The following EPB41L3 variants were observed in gnomAD, a reference collection of about 807,000 sequenced individuals.
EPB41L3 encodes the protein erythrocyte membrane protein band 4.1 like 3.
A neutral mutation model predicts 127.1 loss-of-function variants in EPB41L3; 57 were observed. That is an observed-to-expected ratio of 0.45 (90% confidence interval 0.36 to 0.56). The LOEUF (loss-of-function observed/expected upper bound fraction) is 0.56. EPB41L3 is among the 20% of genes least tolerant of loss of function. The pLI, the probability that EPB41L3 is intolerant of heterozygous loss-of-function variation, is 0.00. For synonymous variants in EPB41L3, 572 were observed against 549.5 expected (o/e 1.04, Z -0.57); for missense variants, 1,273 against 1,372.2 (o/e 0.93, Z 1.14).
intron 1 of EPB41L3, chr18:5,489,414 A>T (rs546657231): frequency 1.9e-6 from 1 of 518,314 alleles, no homozygotes; most frequent in Non-Finnish European, 3.3e-6. Context: ...TAGGAGGAAA[A>T]GTTGATCTGT....
At chr18:5,484,086 C>CAAAAAAAAAAAAAAACAAAAAA (rs2089168452) in intron 2 of EPB41L3, among the ~76,000 whole-genome samples, 1 of 18,278 alleles carries the variant, frequency 5.5e-5, no homozygotes, top group African/African-American at 1.2e-4. Flanking sequence ...CAAACAAACT[C>CAAAAAAAAAAAAAAACAAAAAA]AAAAAAAAAA....
chr18:5,427,621 G>C (rs767113833), intron 9 of EPB41L3, among the ~76,000 whole-genome samples: 1 of 152,146 alleles, frequency 6.6e-6, no homozygotes, highest in Non-Finnish European at 1.5e-5. Flanking sequence ...CCTCTAAACT[G>C]TTCACTTTAA....
At chr18:5,473,919 T>A (rs2086638915) in intron 3 of EPB41L3, among the ~76,000 whole-genome samples, 1 of 151,710 alleles carries the variant, frequency 6.6e-6, no homozygotes, top group East Asian at 1.9e-4. Flanking sequence ...CAAGACTGAG[T>A]TTGAAAAAAA....
At chr18:5,423,829 C>T (rs1194494668) in intron 10 of EPB41L3, among the ~76,000 whole-genome samples, 3 of 152,116 alleles carry the variant, frequency 2.0e-5, no homozygotes, top group African/African-American at 7.2e-5. Flanking sequence ...TAAGCCCAAA[C>T]AGCTACTAAA....
chr18:5,465,621 G>A (rs1013019281), intron 3 of EPB41L3, among the ~76,000 whole-genome samples: 10 of 152,092 alleles, frequency 6.6e-5, no homozygotes, highest in Non-Finnish European at 1.2e-4. Context: ...GCCAGCCACT[G>A]CAGACCCAAA....
intron 1 of EPB41L3, among the ~76,000 whole-genome samples, chr18:5,512,275 G>A (rs993649674): frequency 6.6e-6 from 1 of 152,208 alleles, no homozygotes; most frequent in East Asian, 1.9e-4. Flanking sequence ...GGATGCTACA[G>A]GACATAGAGA....
intron 10 of EPB41L3, among the ~76,000 whole-genome samples, chr18:5,424,057 G>A (rs944324574): frequency 1.3e-5 from 2 of 152,102 alleles, no homozygotes; most frequent in African/African-American, 2.4e-5. Context: ...GGGGGTTTGG[G>A]ACATGTAAGT....
chr18:5,576,918 T>A (rs554566856), intron 3 of EPB41L3, among the ~76,000 whole-genome samples: 1 of 152,282 alleles, frequency 6.6e-6, no homozygotes, highest in East Asian at 1.9e-4. Flanking sequence ...ATCCCCTAAA[T>A]TGAAGTTGCC....
At chr18:5,517,695 C>A (rs1023566855) in intron 1 of EPB41L3, among the ~76,000 whole-genome samples, 3 of 152,158 alleles carry the variant, frequency 2.0e-5, no homozygotes, top group African/African-American at 7.2e-5. Context: ...CCCTCGACCT[C>A]CCAAAGTGTT....
At chr18:5,404,904 A>T (rs1398010219) in intron 16 of EPB41L3, among the ~76,000 whole-genome samples, 2 of 152,250 alleles carry the variant, frequency 1.3e-5, no homozygotes, top group Non-Finnish European at 2.9e-5. Flanking sequence ...AAAATTCATG[A>T]GAGCATAACT....
chr18:5,470,714 A>G (rs1306649807), intron 3 of EPB41L3, among the ~76,000 whole-genome samples: 2 of 152,258 alleles, frequency 1.3e-5, no homozygotes, highest in Admixed American at 1.3e-4. Context: ...AAGTAGGCTC[A>G]GACAAGCTAA....
chr18:5,449,304 T>C (rs1157856803), intron 3 of EPB41L3, among the ~76,000 whole-genome samples: 1 of 152,140 alleles, frequency 6.6e-6, no homozygotes, highest in Non-Finnish European at 1.5e-5. Context: ...TATGTTATAA[T>C]GGCTAAAATC....
chr18:5,482,314 A>G (rs575765273), intron 2 of EPB41L3, among the ~76,000 whole-genome samples: 1 of 152,296 alleles, frequency 6.6e-6, no homozygotes, highest in South Asian at 2.1e-4. Flanking sequence ...AGACACAGAG[A>G]AAAAAGAAAA....
At chr18:5,503,931 C>T (rs1368138245) in intron 1 of EPB41L3, among the ~76,000 whole-genome samples, 1 of 152,198 alleles carries the variant, frequency 6.6e-6, no homozygotes, top group Admixed American at 6.5e-5. Context: ...TGCTCAATCT[C>T]TCTTGAGAAG....
At chr18:5,421,750 T>C (rs1334468085) in intron 11 of EPB41L3, among the ~76,000 whole-genome samples, 1 of 152,128 alleles carries the variant, frequency 6.6e-6, no homozygotes, top group Non-Finnish European at 1.5e-5. Flanking sequence ...TTCTCATGTA[T>C]AAGTGGGAGC....
chr18:5,535,942 C>T (rs2148986497), intron 1 of EPB41L3, among the ~76,000 whole-genome samples: 1 of 152,204 alleles, frequency 6.6e-6, no homozygotes, highest in Non-Finnish European at 1.5e-5. Context: ...GCCCAGTGAC[C>T]CCGTACACCT....
At chr18:5,581,827 T>G (rs571235045) in intron 3 of EPB41L3, among the ~76,000 whole-genome samples, 69 of 152,216 alleles carry the variant, frequency 4.5e-4, no homozygotes, top group African/African-American at 1.5e-3. Flanking sequence ...CGAGACTCTA[T>G]CTCTACAAAA....
intron 3 of EPB41L3, among the ~76,000 whole-genome samples, chr18:5,550,872 T>C (rs1598915399): frequency 1.3e-5 from 2 of 152,306 alleles, no homozygotes; most frequent in East Asian, 1.9e-4. Flanking sequence ...TTCTCAATTA[T>C]AGGTTGAGAT....
rs1187755636 is a variant in EPB41L3 at position 5,543,665 on chromosome 18, C to T, written c.-12+248G>A. 6.8e-6 allele frequency among the ~76,000 whole-genome samples: 1 copy of T among 146,728 alleles called. No homozygotes were observed. Among genetic ancestry groups the T allele is most frequent in the African/African-American group, 2.4e-5 (1 of 40,850 alleles). On this transcript the variant is annotated intron_variant, in intron 1 of 22. Coordinates refer to ENST00000341928, the MANE Select transcript of EPB41L3 (RefSeq NM_012307.5). This position sits in a 1 kb window ranked among gnomAD's most constrained non-coding sequence, Gnocchi z 5.2. Reference sequence around the variant, plus strand: ...CGGCCCAGCCACTACTGCGCCGCGGCGGGCGGAGCGGGCGGGGGGCGCGGC... The same window carrying T: ...CGGCCCAGCCACTACTGCGCCGCGGTGGGCGGAGCGGGCGGGGGGCGCGGC...
Sources: allele counts gnomAD v4.1 joint callset (sites outside exome capture counted in the v4.1 genomes callset), GRCh38; gene constraint gnomAD v4.1.1; non-coding constraint Gnocchi (gnomAD v3.1); transcripts MANE v1.5; gene names NCBI Gene and HGNC (gene_info 2026-07-23, HGNC 2026-07-21).